Variants in EOMES observed in about 807,000 individuals in gnomAD.
EOMES encodes the protein eomesodermin homolog.
EOMES carries 18 observed loss-of-function variants against 61.0 expected under a neutral mutation model. That is an observed-to-expected ratio of 0.30 (90% confidence interval 0.20 to 0.44). The LOEUF (loss-of-function observed/expected upper bound fraction) is 0.44, where lower values mean the gene tolerates loss of function less well. Ranked by LOEUF, EOMES falls within the 20% of genes least tolerant of loss-of-function variation. EOMES has a pLI of 1.00. For missense variants in EOMES, 885 were observed against 939.2 expected (o/e 0.94, Z 0.75); for synonymous variants, 430 against 394.0 (o/e 1.09, Z -1.08).
In EOMES at chr3:27,721,976, A is replaced by G. The variant is rs2125404341; in HGVS notation, c.319T>C (p.Ser107Pro). The G allele has an allele frequency of 1.4e-6, 2 of 1,450,506 alleles. No homozygotes were observed. The highest frequency in any genetic ancestry group is 2.4e-4 in the Middle Eastern group (1 of 4,212). The allele number at this position is 1,450,506 out of a possible 1,614,324, so 89.9% of individuals were successfully genotyped here. Residue 107 changes from serine to proline, a missense_variant, in exon 1 of 6, where the codon TCC becomes CCC. By Grantham distance (74) the Ser-to-Pro change is moderately conservative. Coordinates refer to ENST00000449599, the MANE Select transcript of EOMES (RefSeq NM_001278182.2). This position sits in a 1 kb window ranked among gnomAD's most constrained non-coding sequence, Gnocchi z 7.4. ...GGCAGCTCCTCCTCCCCGCAGGGGG[A>G]GCCCTTGCGGCCGTCCGGGGGCCCC... ...KPGPPDGRKG[S>P]PCGEEELPSA...
At chr3:27,720,414 G>T in intron 1 of EOMES, 89 bp from the exon 2 acceptor site, 1 of 1,032,900 alleles carries the variant, frequency 9.7e-7, no homozygotes. Flanking sequence ...CAGACACCTG[G>T]GATAGGGTCG....
chr3:27,718,690 C>T lies in EOMES; in HGVS notation c.1318-42G>A, dbSNP rs202235986. On this transcript the variant is annotated intron_variant, in intron 4 of 5. Transcript: ENST00000449599. ...AACAGTCATTGAGTGATTTATCATG[C>T]TGGACCTTAGCTTTAGAGATTCTTG... The T allele has an allele frequency of 1.2e-5, 20 of 1,613,078 alleles. No individual in the cohort carries two copies. In the East Asian group the frequency reaches 4.0e-4, roughly 32 times the overall value.
intron 3 of EOMES, 74 bp downstream of exon 3, chr3:27,719,286 G>C (rs1433075705): frequency 3.5e-6 from 5 of 1,420,644 alleles, no homozygotes; most frequent in African/African-American, 1.4e-5. Context: ...ACAGTGAAAA[G>C]AGTAGGGACT....
In EOMES at chr3:27,722,289, C is replaced by G. The variant is rs779010604; in HGVS notation, c.6G>C (p.Gln2His). 1 of 1,572,882 alleles carries G rather than the reference C, an allele frequency of 6.4e-7. No homozygotes were observed. Among genetic ancestry groups the G allele is most frequent in the African/African-American group, 1.4e-5 (1 of 71,874 alleles). The stretch of plus-strand genomic sequence containing the variant: ...AGCTCACCAAGAGCTGCTCCCCTAA[C>G]TGCATGCTTTGCAAAGCGCAGACGG... Reference protein sequence around the residue: MQLGEQLLVSSV... With the variant: MHLGEQLLVSSV... Residue 2 changes from glutamine (Q) to histidine (H), a missense_variant, in exon 1 of 6, where the codon CAG becomes CAC. By Grantham distance (24) the Gln-to-His change is conservative (BLOSUM62 0). Around this residue, in one of 3 missense-constraint regions of EOMES, gnomAD observed 449 missense variants for 383.6 expected, o/e 1.17. Transcript: ENST00000449599.
chr3:27,716,308 T>C lies in EOMES; in HGVS notation c.*762A>G, dbSNP rs781661279. 2.6e-5 allele frequency: 4 copies of C among 152,184 alleles called. No individual in the cohort carries two copies. The highest frequency in any genetic ancestry group is 4.4e-5 in the Non-Finnish European group (3 of 68,046). The allele number at this position is 152,184 out of a possible 1,614,324, so 9.4% of individuals were successfully genotyped here. A position where few individuals can be genotyped will look rare whatever the true frequency, so the allele number is the denominator to read the frequency against. On this transcript the variant is annotated 3_prime_UTR_variant, in exon 6 of 6. Transcript: ENST00000449599. Reference sequence around the variant, plus strand: ...TATCCCAGACACCTATGTAGACTATTTGTACAATATATACCACATTATTCT... The same window carrying C: ...TATCCCAGACACCTATGTAGACTATCTGTACAATATATACCACATTATTCT...
chr3:27,721,916 C>T lies in EOMES; in HGVS notation c.379G>A (p.Ala127Thr). ...AAAAAAAAAAAAAATARYSMD... is the reference protein window; with the variant it reads ...AAAAAAAAAATAAATARYSMD... ...GAGTAGCGCGCAGTGGCCGCAGCCG[C>T]GGCGGCGGCGGCGGCGGCGGCTGCA... The change falls in exon 1 of 6, where the codon GCG becomes ACG. Residue 127 changes from alanine to threonine, a missense_variant. Around this residue, in one of 3 missense-constraint regions of EOMES, gnomAD observed 449 missense variants for 383.6 expected, o/e 1.17. Transcript: ENST00000449599. The surrounding 1 kb of genome is among the most constrained non-coding windows in gnomAD (Gnocchi z 7.4). 8.0e-7 allele frequency: 1 copy of T among 1,246,978 alleles called. No individual in the cohort carries two copies. The highest frequency in any genetic ancestry group is 1.0e-6 in the Non-Finnish European group (1 of 986,478). 77.2% of individuals were successfully genotyped at this position (1,246,978 alleles called of 1,614,324 possible). A position where few individuals can be genotyped will look rare whatever the true frequency, so the allele number is the denominator to read the frequency against.
intron 3 of EOMES, among the ~76,000 whole-genome samples, 191 bp from the exon 4 acceptor site, chr3:27,719,084 G>A (rs538618713): frequency 6.6e-6 from 1 of 150,808 alleles, no homozygotes; most frequent in African/African-American, 2.5e-5. Context: ...AATCATAGCT[G>A]GGTATGTGGT....
chr3:27,716,928 T>A lies in EOMES; in HGVS notation c.*142A>T. On this transcript the variant is annotated 3_prime_UTR_variant, in exon 6 of 6. Transcript: ENST00000449599. ...CAGCAATCAAAAAGCTTTGGCACCT[T>A]CTTTTAGAGAATTGCACAAAACAGG... 1.6e-6 allele frequency: 1 copy of A among 632,256 alleles called. No homozygotes were observed. Among genetic ancestry groups the A allele is most frequent in the Non-Finnish European group, 2.7e-6 (1 of 364,900 alleles). 39.2% of individuals were successfully genotyped at this position (632,256 alleles called of 1,614,324 possible). A position where few individuals can be genotyped will look rare whatever the true frequency, so the allele number is the denominator to read the frequency against.
chr3:27,721,451 G>T lies in EOMES; in HGVS notation c.844C>A (p.Arg282Ser), dbSNP rs1257931636. Residue 282 changes from arginine to serine, a missense_variant, in exon 1 of 6, where the codon CGC (arginine) becomes AGC (serine). Around this residue, in one of 3 missense-constraint regions of EOMES, gnomAD observed 177 missense variants for 273.3 expected, o/e 0.65. Coordinates refer to ENST00000449599, the MANE Select transcript of EOMES (RefSeq NM_001278182.2). This position sits in a 1 kb window ranked among gnomAD's most constrained non-coding sequence, Gnocchi z 7.4. ...CNRPLWLKFH[R>S]HQTEMIITKQ... ...GTAATGATCATCTCAGTTTGGTGGC[G>T]GTGGAATTTGAGCCACAGAGGCCGG... 7 of 1,613,500 alleles carry T rather than the reference G, an allele frequency of 4.3e-6. No homozygotes were observed. Among genetic ancestry groups the T allele is most frequent in the Non-Finnish European group, 5.9e-6 (7 of 1,179,884 alleles).
At chr3:27,720,389 C>A (rs1370318755) in intron 1 of EOMES, 64 bp from the exon 2 acceptor site, 9 of 1,448,644 alleles carry the variant, frequency 6.2e-6, no homozygotes, top group African/African-American at 1.4e-5. Context: ...CAGGCCCAGG[C>A]CCCAGCGGGT....
chr3:27,716,982 T>G lies in EOMES; in HGVS notation c.*88A>C. On this transcript the variant is annotated 3_prime_UTR_variant, in exon 6 of 6. Transcript: ENST00000449599. ...CATCAAGGTGGAAGGCAAACATCTT[T>G]TTGGCAACCTAGGCAAAGAAGACAA... 1 of 1,035,262 alleles carries G rather than the reference T, an allele frequency of 9.7e-7. No individual in the cohort carries two copies. The highest frequency in any genetic ancestry group is 1.4e-6 in the Non-Finnish European group (1 of 706,156). 64.1% of individuals were successfully genotyped at this position (1,035,262 alleles called of 1,614,324 possible). A position where few individuals can be genotyped will look rare whatever the true frequency, so the allele number is the denominator to read the frequency against.
rs773626452 is a variant in EOMES at position 27,720,280 on chromosome 3, G to T, written c.927C>A (p.Pro309=). The T allele has an allele frequency of 1.9e-6, 3 of 1,613,628 alleles. No homozygotes were observed. The African/African-American group carries it at 4.0e-5, about 22-fold the overall frequency. The change falls in exon 2 of 6, where the codon CCC becomes CCA. Residue 309 remains proline, a synonymous_variant. Transcript: ENST00000449599. ...FLSFNINGLN[P]TAHYNVFVEV... ...CTACGAACACATTGTAGTGGGCAGT[G>T]GGATTGAGTCCGTTTATGTTGAAGC...
chr3:27,721,254 GC>G lies in EOMES; in HGVS notation c.881+159del, dbSNP rs2060610339. Among the ~76,000 whole-genome samples the G allele has an allele frequency of 1.3e-5, 2 of 152,032 alleles. No homozygotes were observed. Among genetic ancestry groups the G allele is most frequent in the Non-Finnish European group, 2.9e-5 (2 of 68,000 alleles). On this transcript the variant is annotated intron_variant, in intron 1 of 5. Coordinates refer to ENST00000449599, the MANE Select transcript of EOMES (RefSeq NM_001278182.2). The surrounding 1 kb of genome is among the most constrained non-coding windows in gnomAD (Gnocchi z 7.4). ...CGGGGCACTGACACAGAGGGACACC[GC>G]ATTGGAGATGCGGTGTCTACGGAGA... is the stretch of plus-strand genomic sequence containing the variant.
At position 27,721,780 on chromosome 3, in the gene EOMES, G is replaced by A; in HGVS notation, c.515C>T (p.Pro172Leu). 1 of 1,499,520 alleles carries A rather than the reference G, an allele frequency of 6.7e-7. No homozygotes were observed. The highest frequency in any genetic ancestry group is 8.8e-7 in the Non-Finnish European group (1 of 1,136,446). 92.9% of individuals were successfully genotyped at this position (1,499,520 alleles called of 1,614,324 possible). ...LFPYQAAAGAPHGPVYPAPNG... is the reference protein window; with the variant it reads ...LFPYQAAAGALHGPVYPAPNG... ...AGGAGCCGGGTACACAGGTCCGTGGGGCGCCCCAGCCGCCGCCTGGTACGG... is the reference window on the plus strand; with the variant it reads ...AGGAGCCGGGTACACAGGTCCGTGGAGCGCCCCAGCCGCCGCCTGGTACGG... Residue 172 changes from proline to leucine, a missense_variant, in exon 1 of 6, where the codon CCC (proline) becomes CTC (leucine). Pro to Leu is a moderately conservative substitution (Grantham distance 98, BLOSUM62 -3). Coordinates refer to ENST00000449599, the MANE Select transcript of EOMES (RefSeq NM_001278182.2). The surrounding 1 kb of genome is among the most constrained non-coding windows in gnomAD (Gnocchi z 7.4).
intron 5 of EOMES, 34 bp downstream of exon 5, chr3:27,718,553 T>A (rs572707801): frequency 1.4e-6 from 2 of 1,479,198 alleles, no homozygotes; most frequent in South Asian, 2.3e-5. Flanking sequence ...TGCTCAGAGA[T>A]GATCAGGCAA....
Position 27,717,559 on chromosome 3 carries a change from C to T in EOMES, c.1629G>A (p.Gln543=). ...TGTCTAGTTTGTTGGTCCCAGGTTGCTGGACAGGCGTGACAAGCCACCGCT... is the reference window on the plus strand; with the variant it reads ...TGTCTAGTTTGTTGGTCCCAGGTTGTTGGACAGGCGTGACAAGCCACCGCT... ...PPQRWLVTPV[Q]QPGTNKLDIS... The change falls in exon 6 of 6, where the codon CAG becomes CAA. Residue 543 remains glutamine, a synonymous_variant. Transcript: ENST00000449599. The surrounding 1 kb of genome is among the most constrained non-coding windows in gnomAD (Gnocchi z 4.5). 2 of 1,614,182 alleles carry T rather than the reference C, an allele frequency of 1.2e-6. No individual in the cohort carries two copies. Among genetic ancestry groups the T allele is most frequent in the Non-Finnish European group, 8.5e-7 (1 of 1,180,038 alleles).
intron 1 of EOMES, among the ~76,000 whole-genome samples, 192 bp from the exon 2 acceptor site, chr3:27,720,517 C>T (rs1347249257): frequency 9.4e-6 from 1 of 106,694 alleles, no homozygotes; most frequent in Non-Finnish European, 1.7e-5. Flanking sequence ...ACTCTTGGAA[C>T]CTTTCCGTCT....
chr3:27,719,879 T>C (rs1428130552), intron 2 of EOMES, among the ~76,000 whole-genome samples: 3 of 152,130 alleles, frequency 2.0e-5, no homozygotes, highest in Non-Finnish European at 4.4e-5. Flanking sequence ...CCAGGAGCCC[T>C]TCCCACCTGG....
upstream of EOMES, chr3:27,722,437 C>G: frequency 7.3e-7 from 1 of 1,368,576 alleles, no homozygotes; most frequent in South Asian, 1.7e-5. Context: ...CACCTGCCGA[C>G]TCGCGGGCCG....
Sources: allele counts gnomAD v4.1 joint callset (sites outside exome capture counted in the v4.1 genomes callset), GRCh38; gene constraint gnomAD v4.1.1; regional missense constraint gnomAD v4.1.1; non-coding constraint Gnocchi (gnomAD v3.1); transcripts MANE v1.5; gene names NCBI Gene and HGNC (gene_info 2026-07-23, HGNC 2026-07-21).